TEKT3: variants seen among roughly 807,000 people sequenced by gnomAD.
TEKT3 encodes tektin 3.
Under a neutral mutation model 49.8 loss-of-function variants are expected in TEKT3, and 49 were observed. The observed-to-expected ratio is 0.98, with a 90% confidence interval of 0.78 to 1.25. The LOEUF (loss-of-function observed/expected upper bound fraction) is 1.25, where lower values mean the gene tolerates loss of function less well. TEKT3 is among the 50% of genes most tolerant of loss of function. The probability of loss-of-function intolerance (pLI) is 0.00; values close to 1 mark genes in which losing one functional copy is unlikely to be tolerated. For synonymous variants in TEKT3, 225 were observed against 237.2 expected (o/e 0.95, Z 0.47); for missense variants, 595 against 629.5 (o/e 0.95, Z 0.59).
At chr17:15,316,960 GGCTGCCCTGTTA>G in intron 5 of TEKT3, among the ~76,000 whole-genome samples, 1 of 152,110 alleles carries the variant, frequency 6.6e-6, no homozygotes, top group Non-Finnish European at 1.5e-5. Flanking sequence ...GGAAGACCTT[GGCTGCCCTGTTA>G]GTGCCTAATG....
chr17:15,337,990 G>A (rs1213596398), intron 2 of TEKT3, among the ~76,000 whole-genome samples: 1 of 152,054 alleles, frequency 6.6e-6, no homozygotes, highest in African/African-American at 2.4e-5. Flanking sequence ...GAAAAATAAG[G>A]ATAAAGGGAT....
At chr17:15,310,570 G>A (rs1457395825) in intron 7 of TEKT3, among the ~76,000 whole-genome samples, 1 of 151,994 alleles carries the variant, frequency 6.6e-6, no homozygotes, top group Non-Finnish European at 1.5e-5. Context: ...TGAGGAGAGA[G>A]GCCTCAGAGA....
At chr17:15,322,222 C>T (rs1488172897) in intron 4 of TEKT3, among the ~76,000 whole-genome samples, 1 of 152,178 alleles carries the variant, frequency 6.6e-6, no homozygotes, top group Admixed American at 6.5e-5. Context: ...AATATATACA[C>T]ATTTTTTACA....
At chr17:15,317,010 C>T (rs943236896) in intron 5 of TEKT3, among the ~76,000 whole-genome samples, 1 of 152,136 alleles carries the variant, frequency 6.6e-6, no homozygotes, top group Non-Finnish European at 1.5e-5. Flanking sequence ...GAGATCCAAG[C>T]TGAGGGTTTC....
chr17:15,316,505 A>G (rs1911017192), intron 5 of TEKT3, among the ~76,000 whole-genome samples: 1 of 152,194 alleles, frequency 6.6e-6, no homozygotes, highest in African/African-American at 2.4e-5. Flanking sequence ...AAGGTTGCTT[A>G]GTGGTTACAA....
At chr17:15,332,560 T>C (rs961991906) in intron 2 of TEKT3, among the ~76,000 whole-genome samples, 1 of 152,164 alleles carries the variant, frequency 6.6e-6, no homozygotes, top group Admixed American at 6.5e-5. Context: ...TCCATCTGGA[T>C]GACAATGGTG....
At chr17:15,311,640 G>T (rs1319131412) in intron 7 of TEKT3, among the ~76,000 whole-genome samples, 1 of 151,884 alleles carries the variant, frequency 6.6e-6, no homozygotes, top group Non-Finnish European at 1.5e-5. Flanking sequence ...ATTATTTTTT[G>T]TCAATTTTAA....
intron 8 of TEKT3, among the ~76,000 whole-genome samples, chr17:15,305,263 G>A (rs1013864925): frequency 2.0e-5 from 3 of 152,120 alleles, no homozygotes; most frequent in Non-Finnish European, 4.4e-5. Context: ...TGTGGTAAAG[G>A]CCCCCACGCA....
intron 3 of TEKT3, among the ~76,000 whole-genome samples, chr17:15,330,551 T>C (rs1285824102): frequency 6.6e-6 from 1 of 152,192 alleles, no homozygotes; most frequent in Non-Finnish European, 1.5e-5. Flanking sequence ...TGCTCCTCCT[T>C]TGCCTTCTGC....
chr17:15,341,205 G>A (rs563950021), intron 1 of TEKT3, among the ~76,000 whole-genome samples: 2 of 152,310 alleles, frequency 1.3e-5, no homozygotes, highest in African/African-American at 4.8e-5. Flanking sequence ...CTGCTAACGG[G>A]TAATTATTAG....
intron 4 of TEKT3, among the ~76,000 whole-genome samples, chr17:15,325,141 A>G (rs770722025): frequency 5.3e-5 from 8 of 152,232 alleles, no homozygotes; most frequent in Non-Finnish European, 1.0e-4. Flanking sequence ...ACACTGTCTT[A>G]CATATTGCAG....
At chr17:15,333,627 G>T (rs2150752703) in intron 2 of TEKT3, among the ~76,000 whole-genome samples, 1 of 152,148 alleles carries the variant, frequency 6.6e-6, no homozygotes, top group East Asian at 1.9e-4. Context: ...GTTGTCTTTA[G>T]TTCCAACCCC....
intron 2 of TEKT3, among the ~76,000 whole-genome samples, chr17:15,335,126 A>G (rs1597421129): frequency 6.6e-6 from 1 of 152,248 alleles, no homozygotes; most frequent in Non-Finnish European, 1.5e-5. Context: ...ACAATGAGAA[A>G]AAACATGAAA....
At chr17:15,308,843 T>C in intron 7 of TEKT3, 25 bp from the exon 8 acceptor site, 1 of 1,609,362 alleles carries the variant, frequency 6.2e-7, no homozygotes, top group Non-Finnish European at 8.5e-7. Context: ...AGCAACTGCC[T>C]GAGGCTTTGG....
chr17:15,333,816 G>A (rs1161069539), intron 2 of TEKT3, among the ~76,000 whole-genome samples: 1 of 151,882 alleles, frequency 6.6e-6, no homozygotes, highest in East Asian at 1.9e-4. Flanking sequence ...CTCCAGTGCA[G>A]TGGCATGATC....
Position 15,312,298 on chromosome 17 carries a change from A to G in TEKT3, c.1062T>C (p.Thr354=). The change falls in exon 7 of 9, where the codon ACT becomes ACC. Residue 354 remains threonine, a synonymous_variant. Transcript: ENST00000395930. Reference sequence around the variant, plus strand: ...TCTGAATCTTATTCTTAGCATCTGCAGTCTCAGCAATGCGATTGGTGAAAG... The same window carrying G: ...TCTGAATCTTATTCTTAGCATCTGCGGTCTCAGCAATGCGATTGGTGAAAG... The part of the protein sequence containing the change: ...NLSFTNRIAE[T]ADAKNKIQTH... 1 of 1,614,264 alleles carries G rather than the reference A, an allele frequency of 6.2e-7. No homozygotes were observed. Among genetic ancestry groups the G allele is most frequent in the Non-Finnish European group, 8.5e-7 (1 of 1,180,048 alleles).
rs555646759 is a variant in TEKT3, at chr17:15,326,085, GAGCAA to G, written c.663+1902_663+1906del. Among the ~76,000 whole-genome samples, 293 of 152,280 alleles carry G rather than the reference GAGCAA, an allele frequency of 1.9e-3. 1 individual carries two copies. The highest frequency in any genetic ancestry group is 6.6e-3 in the African/African-American group (274 of 41,564). ...GAACCAGACAGTAGAGGAAAGGAAA[GAGCAA>G]AGAAAAAAGTCTGCTTGTCATCTTT... On this transcript the variant is annotated intron_variant, in intron 4 of 8. Transcript: ENST00000395930.
intron 8 of TEKT3, among the ~76,000 whole-genome samples, chr17:15,305,488 A>G (rs1443113998): frequency 6.6e-6 from 1 of 152,234 alleles, no homozygotes; most frequent in East Asian, 1.9e-4. Context: ...ACTGAATTAA[A>G]AAAGAAAGGC....
rs182151427 is a variant in TEKT3, at chr17:15,318,034, G to A, written c.734+1043C>T. On this transcript the variant is annotated intron_variant, in intron 5 of 8. Transcript: ENST00000395930. Reference sequence around the variant, plus strand: ...AGACGGAGTCTCGCTCCGTCGCCCAGGCTAGAGTGCAGTGGCGCAATCTCA... The same window carrying A: ...AGACGGAGTCTCGCTCCGTCGCCCAAGCTAGAGTGCAGTGGCGCAATCTCA... Among the ~76,000 whole-genome samples the A allele has an allele frequency of 3.3e-3, 480 of 146,998 alleles. 1 individual carries two copies. Among genetic ancestry groups the A allele is most frequent in the South Asian group, 9.9e-3 (46 of 4,638 alleles).
Sources: allele counts gnomAD v4.1 joint callset (sites outside exome capture counted in the v4.1 genomes callset), GRCh38; gene constraint gnomAD v4.1.1; transcripts MANE v1.5; gene names NCBI Gene and HGNC (gene_info 2026-07-23, HGNC 2026-07-21).